The following PGS1 variants were observed in gnomAD, a reference collection of about 807,000 sequenced individuals.
The protein encoded by PGS1 is phosphatidylglycerophosphate synthase 1.
PGS1 carries 44 observed loss-of-function variants against 58.3 expected under a neutral mutation model. The ratio of observed to expected loss-of-function variants is 0.75; its 90% CI spans 0.59 to 0.97. PGS1 has a LOEUF of 0.97. Among genes scored for constraint, PGS1 ranks in the 50% least tolerant of loss-of-function variants. PGS1 has a pLI of 0.00. For synonymous variants in PGS1, 330 were observed against 311.0 expected (o/e 1.06, Z -0.64); for missense variants, 684 against 731.1 (o/e 0.94, Z 0.74).
At position 78,399,385 on chromosome 17, in the gene PGS1, G is replaced by C. The variant is rs765889076; in HGVS notation, c.549G>C (p.Leu183=). ...KNSRTMLLPL[L]RRFPEQVRVS... Reference sequence around the variant, plus strand: ...CCCGCACAATGCTGCTCCCACTCCTGCGGAGGTTCCCAGAGCAGGTCCGAG... The same window carrying C: ...CCCGCACAATGCTGCTCCCACTCCTCCGGAGGTTCCCAGAGCAGGTCCGAG... Residue 183 remains leucine (L), a synonymous_variant, in exon 5 of 10, where the codon CTG becomes CTC. Coordinates refer to ENST00000262764, the MANE Select transcript of PGS1 (RefSeq NM_024419.5). 5.0e-6 allele frequency: 8 copies of C among 1,614,140 alleles called. No individual in the cohort carries two copies. Among genetic ancestry groups the C allele is most frequent in the Non-Finnish European group, 6.8e-6 (8 of 1,180,020 alleles).
chr17:78,404,277 GA>G (rs1237583993), intron 7 of PGS1, among the ~76,000 whole-genome samples, 188 bp downstream of exon 7: 2 of 122,264 alleles, frequency 1.6e-5, no homozygotes, highest in Admixed American at 1.1e-4. Flanking sequence ...CTCCTCAAGG[GA>G]ATTTTTTTTT....
rs777727996 is a variant in PGS1, at chr17:78,423,963, G to C, written c.*11-98G>C. ...GGATCCACTTCGCTGCCTTCTCTTT[G>C]GTCTTCAAGTTAAAGGTCCAGACAT... is the stretch of plus-strand genomic sequence containing the variant. On this transcript the variant is annotated intron_variant, in intron 9 of 9. Transcript: ENST00000262764. 3 of 1,613,874 alleles carry C rather than the reference G, an allele frequency of 1.9e-6. No individual in the cohort carries two copies. The South Asian group carries it at 3.3e-5, about 18-fold the overall frequency.
At chr17:78,397,683 C>T (rs1255701306) in intron 3 of PGS1, among the ~76,000 whole-genome samples, 2 of 152,146 alleles carry the variant, frequency 1.3e-5, no homozygotes, top group African/African-American at 4.8e-5. Flanking sequence ...GATGTGCCCA[C>T]CTTGGCCTCC....
rs1568008834 is a variant in PGS1 at position 78,419,552 on chromosome 17, G to C, written c.1558G>C (p.Glu520Gln). 1 of 1,613,866 alleles carries C rather than the reference G, an allele frequency of 6.2e-7. No homozygotes were observed. The change falls in exon 9 of 10, where the codon GAG becomes CAG. Residue 520 changes from glutamate to glutamine, a missense_variant. Physicochemically the swap from Glu to Gln is conservative, Grantham distance 29 (BLOSUM62 2). Coordinates refer to ENST00000262764, the MANE Select transcript of PGS1 (RefSeq NM_024419.5). Reference sequence around the variant, plus strand: ...GTCTGTTCCTCTTCCTCAGGAGCAAGAGCAGCTCTACCTGAGGTCAGGTGT... The same window carrying C: ...GTCTGTTCCTCTTCCTCAGGAGCAACAGCAGCTCTACCTGAGGTCAGGTGT... Reference protein sequence around the residue: ...ALQQQLHQEQEQLYLRSGVVS... With the variant: ...ALQQQLHQEQQQLYLRSGVVS...
intron 6 of PGS1, among the ~76,000 whole-genome samples, chr17:78,401,948 C>A (rs2083702785): frequency 6.6e-6 from 1 of 152,186 alleles, no homozygotes; most frequent in Non-Finnish European, 1.5e-5. Context: ...ACAGGCCATG[C>A]TTAGGCCAGG....
chr17:78,406,947 T>G (rs4580257), intron 7 of PGS1, among the ~76,000 whole-genome samples: 95,214 of 152,114 alleles, frequency 0.63, 29,895 homozygotes, highest in Admixed American at 0.66. Flanking sequence ...TTGATAAACG[T>G]GAGCTGACTC....
chr17:78,410,299 G>A (rs1161914052), intron 7 of PGS1, among the ~76,000 whole-genome samples: 1 of 148,608 alleles, frequency 6.7e-6, no homozygotes, highest in Admixed American at 6.7e-5. Context: ...CATGGTTACA[G>A]CCGCCTGTAA....
At chr17:78,411,348 T>C (rs1029137785) in intron 7 of PGS1, among the ~76,000 whole-genome samples, 2 of 152,116 alleles carry the variant, frequency 1.3e-5, no homozygotes, top group Admixed American at 6.5e-5. Flanking sequence ...CAGGGCAGTA[T>C]GACTGTGCAG....
intron 7 of PGS1, among the ~76,000 whole-genome samples, chr17:78,410,188 G>A (rs1439948063): frequency 6.6e-6 from 1 of 152,174 alleles, no homozygotes; most frequent in Non-Finnish European, 1.5e-5. Flanking sequence ...AGCACTTTGG[G>A]AGGCAGAGGC....
At chr17:78,406,325 GA>G (rs965429225) in intron 7 of PGS1, among the ~76,000 whole-genome samples, 7 of 147,848 alleles carry the variant, frequency 4.7e-5, no homozygotes, top group East Asian at 2.0e-4. Context: ...CTCAAAAAAA[GA>G]AAAAAAAAAC....
At chr17:78,417,708 G>A (rs1394353641) in intron 8 of PGS1, among the ~76,000 whole-genome samples, 1 of 152,004 alleles carries the variant, frequency 6.6e-6, no homozygotes, top group Admixed American at 6.6e-5. Flanking sequence ...GTCATCACCT[G>A]TGGTCCTCAC....
chr17:78,416,417 G>A (rs2085195201), intron 8 of PGS1, among the ~76,000 whole-genome samples: 1 of 152,244 alleles, frequency 6.6e-6, no homozygotes, highest in East Asian at 1.9e-4. Context: ...TGCCAGGGCG[G>A]TAGAGAGTCC....
chr17:78,401,502 C>T (rs1350688899), intron 6 of PGS1, among the ~76,000 whole-genome samples: 1 of 152,188 alleles, frequency 6.6e-6, no homozygotes, highest in Admixed American at 6.5e-5. Flanking sequence ...GTGATTCCTG[C>T]GGCTGTGGCT....
chr17:78,414,765 C>G lies in PGS1; in HGVS notation c.1403-114C>G, dbSNP rs1040275939. On this transcript the variant is annotated intron_variant, in intron 7 of 9. Transcript: ENST00000262764. Reference sequence around the variant, plus strand: ...TGTCCGCCGCTCTGCAGCAGCCCCTCGTGTCCAGGCACCCAGGGCAGGCCG... The same window carrying G: ...TGTCCGCCGCTCTGCAGCAGCCCCTGGTGTCCAGGCACCCAGGGCAGGCCG... The G allele has an allele frequency of 1.0e-5, 12 of 1,183,398 alleles. No individual in the cohort carries two copies. In the Admixed American group the frequency reaches 1.6e-4, roughly 15 times the overall value. The allele number at this position is 1,183,398 out of a possible 1,614,324, so 73.3% of individuals were successfully genotyped here. A position where few individuals can be genotyped will look rare whatever the true frequency, so the allele number is the denominator to read the frequency against.
chr17:78,406,678 G>A (rs149692213), intron 7 of PGS1, among the ~76,000 whole-genome samples: 65 of 152,352 alleles, frequency 4.3e-4, no homozygotes, highest in African/African-American at 1.5e-3. Context: ...TTTTTGGATT[G>A]GCGTTACTTC....
At chr17:78,417,369 AATTAGGAGGCCCCATGTCTGTGAC>A (rs1451274205) in intron 8 of PGS1, among the ~76,000 whole-genome samples, 1 of 152,124 alleles carries the variant, frequency 6.6e-6, no homozygotes, top group East Asian at 1.9e-4. Context: ...CCTCAGCAGC[AATTAGGAGGCCCCATGTCTGTGAC>A]ACGCGGGGCT....
chr17:78,415,027 G>C lies in PGS1; in HGVS notation c.1551G>C (p.Gln517His), dbSNP rs754648007. Reference sequence around the variant, plus strand: ...AGGCCCTGCAGCAGCAGCTTCACCAGGTTGGTCGCAGCAAGTGGGATTTCC... The same window carrying C: ...AGGCCCTGCAGCAGCAGCTTCACCACGTTGGTCGCAGCAAGTGGGATTTCC... Reference protein sequence around the residue: ...ENQALQQQLHQEQEQLYLRSG... With the variant: ...ENQALQQQLHHEQEQLYLRSG... The change falls in exon 8 of 10, where the codon CAG (glutamine) becomes CAC (histidine). Residue 517 changes from glutamine to histidine, a missense_variant and splice_region_variant. Coordinates refer to ENST00000262764, the MANE Select transcript of PGS1 (RefSeq NM_024419.5). 3 of 1,612,438 alleles carry C rather than the reference G, an allele frequency of 1.9e-6. No individual in the cohort carries two copies. Among genetic ancestry groups the C allele is most frequent in the Non-Finnish European group, 2.5e-6 (3 of 1,179,986 alleles).
rs1209390416 is a variant in PGS1, at chr17:78,400,723, G to A, written c.748G>A (p.Val250Met). Residue 250 changes from valine (V) to methionine (M), a missense_variant, in exon 6 of 10, where the codon GTG (valine) becomes ATG (methionine). Physicochemically the swap from Val to Met is conservative, Grantham distance 21. Transcript: ENST00000262764. This position sits in a 1 kb window ranked among gnomAD's most constrained non-coding sequence, Gnocchi z 4.4. Reference protein sequence around the residue: ...SYFTNRQDRYVFLQDCAEIAD... With the variant: ...SYFTNRQDRYMFLQDCAEIAD... ...CTTCACCAACCGCCAGGACCGCTAC[G>A]TGTTCCTGCAGGACTGTGCGGAGAT... 3.1e-6 allele frequency: 5 copies of A among 1,614,040 alleles called. No homozygotes were observed. Among genetic ancestry groups the A allele is most frequent in the Non-Finnish European group, 3.4e-6 (4 of 1,179,978 alleles).
intron 1 of PGS1, among the ~76,000 whole-genome samples, chr17:78,390,497 G>T (rs7221930): frequency 0.15 from 23,178 of 152,176 alleles, 2,080 homozygotes; most frequent in African/African-American, 0.25. Flanking sequence ...GCCATCTGTT[G>T]TCTGTGCAGG....
Sources: allele counts gnomAD v4.1 joint callset (sites outside exome capture counted in the v4.1 genomes callset), GRCh38; gene constraint gnomAD v4.1.1; non-coding constraint Gnocchi (gnomAD v3.1); transcripts MANE v1.5; gene names NCBI Gene and HGNC (gene_info 2026-07-23, HGNC 2026-07-21).